IPO11: variants seen among roughly 807,000 people sequenced by gnomAD.
IPO11 encodes the protein importin-11.
In IPO11, 66 loss-of-function variants were observed where a neutral mutation model predicts 143.2. The ratio of observed to expected loss-of-function variants is 0.46; its 90% CI spans 0.38 to 0.57. IPO11 has a LOEUF of 0.57. Ranked by LOEUF, IPO11 falls within the 20% of genes least tolerant of loss-of-function variation. The probability of loss-of-function intolerance (pLI) is 0.00; values close to 1 mark genes in which losing one functional copy is unlikely to be tolerated. For synonymous variants in IPO11, 385 were observed against 377.8 expected (o/e 1.02, Z -0.22); for missense variants, 1,026 against 1,141.0 (o/e 0.90, Z 1.45).
chr5:62,458,569 A>G (rs1271722210), intron 5 of IPO11, among the ~76,000 whole-genome samples: 1 of 152,200 alleles, frequency 6.6e-6, no homozygotes, highest in African/African-American at 2.4e-5. Flanking sequence ...CCGAAGTGTT[A>G]GGATTACAGG....
chr5:62,494,059 A>C lies in IPO11; in HGVS notation c.1525A>C (p.Lys509Gln). 6.2e-7 allele frequency: 1 copy of C among 1,613,648 alleles called. No homozygotes were observed. The highest frequency in any genetic ancestry group is 8.5e-7 in the Non-Finnish European group (1 of 1,179,680). The change falls in exon 16 of 30, where the codon AAG (lysine) becomes CAG (glutamine). Residue 509 changes from lysine to glutamine, a missense_variant. Lys to Gln is a moderately conservative substitution (Grantham distance 53). This residue lies in a region of IPO11 where 237 missense variants were observed against 288.0 expected (regional missense o/e 0.82). Transcript: ENST00000325324. Reference protein sequence around the residue: ...LIGQWISVKFKSDLRPMLYEA... With the variant: ...LIGQWISVKFQSDLRPMLYEA... ...CGGTCAGTGGATTTCTGTGAAATTC[A>C]AGTCTGACTTAAGACCCATGCTTTA...
At chr5:62,543,781 G>C (rs1453528425) in intron 24 of IPO11, among the ~76,000 whole-genome samples, 1 of 152,012 alleles carries the variant, frequency 6.6e-6, no homozygotes, top group Admixed American at 6.6e-5. Context: ...TGATGTTAGG[G>C]TGTCAATTTT....
At chr5:62,518,413 C>T (rs1454970220) in intron 20 of IPO11, among the ~76,000 whole-genome samples, 1 of 151,334 alleles carries the variant, frequency 6.6e-6, no homozygotes, top group African/African-American at 2.4e-5. Context: ...CACTGTACTC[C>T]AGCCTGGGTG....
chr5:62,543,078 A>G (rs2112334202), intron 24 of IPO11, among the ~76,000 whole-genome samples: 1 of 142,698 alleles, frequency 7.0e-6, no homozygotes, highest in South Asian at 2.3e-4. Flanking sequence ...TAAATCACAA[A>G]GTGGTGAATA....
rs182177887 is a variant in IPO11 at position 62,467,991 on chromosome 5, A to T, written c.649+728A>T. Among the ~76,000 whole-genome samples the T allele has an allele frequency of 1.1e-4, 16 of 152,014 alleles. No individual in the cohort carries two copies. In the East Asian group the frequency reaches 3.1e-3, roughly 29 times the overall value. On this transcript the variant is annotated intron_variant, in intron 6 of 29. Coordinates refer to ENST00000325324, the MANE Select transcript of IPO11 (RefSeq NM_016338.5). Reference sequence around the variant, plus strand: ...CAGACAGGGTCTTGCTCTGTCTCCCAGGTTGAAGTGCAGTGGCATAATCAT... The same window carrying T: ...CAGACAGGGTCTTGCTCTGTCTCCCTGGTTGAAGTGCAGTGGCATAATCAT...
At chr5:62,501,367 AAAT>A (rs1478270907) in intron 16 of IPO11, among the ~76,000 whole-genome samples, 6 of 152,224 alleles carry the variant, frequency 3.9e-5, no homozygotes, top group African/African-American at 4.8e-5. Context: ...AGGAAATATA[AAAT>A]AATCTGTGTT....
intron 21 of IPO11, 125 bp from the exon 22 acceptor site, chr5:62,530,584 A>G (rs1742510955): frequency 5.1e-6 from 3 of 593,236 alleles, no homozygotes; most frequent in South Asian, 2.4e-5. Flanking sequence ...GATAATTTTT[A>G]TAACTTAACT....
chr5:62,541,526 C>G (rs924961423), intron 24 of IPO11, among the ~76,000 whole-genome samples: 4 of 150,934 alleles, frequency 2.7e-5, no homozygotes, highest in Admixed American at 2.0e-4. Context: ...CAAAAAAATA[C>G]AAAAATTAGC....
chr5:62,445,073 C>A (rs1221231154), intron 3 of IPO11, among the ~76,000 whole-genome samples: 4 of 152,106 alleles, frequency 2.6e-5, no homozygotes, highest in Middle Eastern at 6.8e-3. Flanking sequence ...AAATCCCAAG[C>A]TGTCTCTTTT....
intron 24 of IPO11, among the ~76,000 whole-genome samples, chr5:62,541,027 A>G (rs1431399691): frequency 6.6e-6 from 1 of 152,232 alleles, no homozygotes; most frequent in Non-Finnish European, 1.5e-5. Context: ...ATGATGGTAT[A>G]TTATTAGCAA....
chr5:62,585,596 A>G (rs910697268), intron 27 of IPO11, among the ~76,000 whole-genome samples: 3 of 152,184 alleles, frequency 2.0e-5, no homozygotes, highest in Admixed American at 2.0e-4. Flanking sequence ...TTTTAAGTGT[A>G]ATGGAAAGTT....
intron 3 of IPO11, among the ~76,000 whole-genome samples, chr5:62,444,101 T>TC (rs1744616026): frequency 1.3e-5 from 2 of 151,086 alleles, no homozygotes; most frequent in Admixed American, 1.3e-4. Context: ...CTTTTTCTTT[T>TC]TTTTTTTTTT....
intron 1 of IPO11, among the ~76,000 whole-genome samples, chr5:62,435,083 T>C (rs1438130946): frequency 6.7e-5 from 6 of 89,538 alleles, no homozygotes; most frequent in African/African-American, 2.0e-4. Flanking sequence ...TATATATATG[T>C]GTATATATGT....
In IPO11 at chr5:62,476,675, T is replaced by C; in HGVS notation, c.758-8T>C. On this transcript the variant is annotated splice_polypyrimidine_tract_variant and splice_region_variant and intron_variant, in intron 8 of 29. Coordinates refer to ENST00000325324, the MANE Select transcript of IPO11 (RefSeq NM_016338.5). ...TAACTTCTAATATTTGAAATGTATT[T>C]TTAACAGGTAGAAGTATAGGTACAG... is the stretch of plus-strand genomic sequence containing the variant. 6.6e-7 allele frequency: 1 copy of C among 1,507,542 alleles called. No homozygotes were observed. The highest frequency in any genetic ancestry group is 8.9e-7 in the Non-Finnish European group (1 of 1,126,408). 93.4% of individuals were successfully genotyped at this position (1,507,542 alleles called of 1,614,324 possible).
intron 15 of IPO11, among the ~76,000 whole-genome samples, chr5:62,491,068 G>A (rs934883367): frequency 1.3e-5 from 2 of 152,080 alleles, no homozygotes; most frequent in African/African-American, 4.8e-5. Context: ...AAATTCTAAG[G>A]GGCTTTTTTC....
intron 19 of IPO11, among the ~76,000 whole-genome samples, chr5:62,507,830 A>G (rs115671386): frequency 8.6e-4 from 131 of 152,310 alleles, no homozygotes; most frequent in African/African-American, 3.0e-3. Flanking sequence ...AAAAATGCTT[A>G]TGTGTTTCTG....
At chr5:62,480,905 C>CTTT (rs1561328227) in intron 9 of IPO11, among the ~76,000 whole-genome samples, 4 of 109,056 alleles carry the variant, frequency 3.7e-5, no homozygotes, top group African/African-American at 1.2e-4. Context: ...CTTCCTCTTT[C>CTTT]ATTTTTTTTT....
chr5:62,474,431 A>G lies in IPO11; in HGVS notation c.724A>G (p.Ile242Val), dbSNP rs532857463. ...NMEVMGFLHG[I>V]FERLKQFLEC... ...TCTTTTCTAGGGTTTTTTACATGGA[A>G]TATTTGAACGTCTAAAACAGTTTCT... Residue 242 changes from isoleucine to valine, a missense_variant, in exon 8 of 30, where the codon ATA (isoleucine) becomes GTA (valine). Around this residue, in one of 5 missense-constraint regions of IPO11, gnomAD observed 429 missense variants for 456.3 expected, o/e 0.94. Transcript: ENST00000325324. 15 of 1,567,220 alleles carry G rather than the reference A, an allele frequency of 9.6e-6. No individual in the cohort carries two copies. The highest frequency in any genetic ancestry group is 1.7e-4 in the Middle Eastern group (1 of 5,922).
intron 3 of IPO11, among the ~76,000 whole-genome samples, chr5:62,446,535 T>G (rs1310888120): frequency 6.6e-6 from 1 of 152,264 alleles, no homozygotes; most frequent in Non-Finnish European, 1.5e-5. Flanking sequence ...GAGTACTTTT[T>G]AATGTACTTA....
Sources: allele counts gnomAD v4.1 joint callset (sites outside exome capture counted in the v4.1 genomes callset), GRCh38; gene constraint gnomAD v4.1.1; regional missense constraint gnomAD v4.1.1; transcripts MANE v1.5; gene names NCBI Gene and HGNC (gene_info 2026-07-23, HGNC 2026-07-21).